Variants in CCSER1 observed in about 807,000 individuals in gnomAD.
The protein encoded by CCSER1 is serine-rich coiled-coil domain-containing protein 1.
CCSER1 carries 41 observed loss-of-function variants against 82.0 expected under a neutral mutation model. The ratio of observed to expected loss-of-function variants is 0.50; its 90% CI spans 0.39 to 0.65. The LOEUF (loss-of-function observed/expected upper bound fraction) is 0.65, where lower values mean the gene tolerates loss of function less well. Among genes scored for constraint, CCSER1 ranks in the 30% least tolerant of loss-of-function variants. The pLI is 0.00. For missense variants in CCSER1, 1,119 were observed against 1,064.2 expected (o/e 1.05, Z -0.72); for synonymous variants, 414 against 383.9 (o/e 1.08, Z -0.92).
chr4:91,510,694 C>G (rs1759770612), intron 10 of CCSER1, among the ~76,000 whole-genome samples: 2 of 152,010 alleles, frequency 1.3e-5, no homozygotes, highest in Admixed American at 1.3e-4. Context: ...TTATTGATTT[C>G]TTTAAGTTCC....
At chr4:90,567,216 G>A (rs927855585) in intron 5 of CCSER1, among the ~76,000 whole-genome samples, 2 of 150,988 alleles carry the variant, frequency 1.3e-5, no homozygotes, top group African/African-American at 4.9e-5. Context: ...TTTGATGTCG[G>A]TGTTTCTTCT....
At chr4:90,893,774 TGCG>T (rs1723285682) in intron 8 of CCSER1, among the ~76,000 whole-genome samples, 1 of 128,852 alleles carries the variant, frequency 7.8e-6, no homozygotes, top group African/African-American at 2.9e-5. Context: ...TGTGTGTGTG[TGCG>T]TGTGTGTGTG....
At chr4:91,077,137 T>C (rs1183312184) in intron 9 of CCSER1, among the ~76,000 whole-genome samples, 1 of 152,220 alleles carries the variant, frequency 6.6e-6, no homozygotes, top group Non-Finnish European at 1.5e-5. Context: ...GGTAATCTTT[T>C]GATTTCCCAT....
chr4:91,357,308 T>C (rs1017999616), intron 10 of CCSER1, among the ~76,000 whole-genome samples: 1 of 152,184 alleles, frequency 6.6e-6, no homozygotes, highest in Admixed American at 6.5e-5. Context: ...TGTAGACATA[T>C]TTATCCAATT....
Position 90,618,492 on chromosome 4 carries a change from TA to T in CCSER1, c.1725-9528del, listed in dbSNP as rs554765261. Among the ~76,000 whole-genome samples the T allele has an allele frequency of 4.7e-3, 712 of 152,046 alleles. 6 individuals are homozygous for T. The highest frequency in any genetic ancestry group is 0.016 in the African/African-American group (669 of 41,554). The stretch of plus-strand genomic sequence containing the variant: ...ATTTTGTGCATTCTTCAAATGGCTA[TA>T]AAAATTTTGCATACTAGCTCTTAAA... On this transcript the variant is annotated intron_variant, in intron 5 of 10. Transcript: ENST00000509176.
chr4:90,460,519 T>C (rs1762762746), intron 4 of CCSER1, among the ~76,000 whole-genome samples: 1 of 152,020 alleles, frequency 6.6e-6, no homozygotes, highest in African/African-American at 2.4e-5. Flanking sequence ...TTTAATATTT[T>C]CATTTTCACT....
At chr4:91,504,991 A>C (rs759629487) in intron 10 of CCSER1, among the ~76,000 whole-genome samples, 23 of 152,164 alleles carry the variant, frequency 1.5e-4, no homozygotes, top group Non-Finnish European at 3.2e-4. Flanking sequence ...CAGGTTTGCT[A>C]TATGGGTAAA....
At chr4:90,390,299 T>A (rs1750772946) in intron 3 of CCSER1, among the ~76,000 whole-genome samples, 1 of 152,206 alleles carries the variant, frequency 6.6e-6, no homozygotes, top group Non-Finnish European at 1.5e-5. Flanking sequence ...TAATTTCAAC[T>A]TTTATTGAAT....
At chr4:91,486,441 T>C (rs189567134) in intron 10 of CCSER1, among the ~76,000 whole-genome samples, 12 of 152,114 alleles carry the variant, frequency 7.9e-5, no homozygotes, top group Non-Finnish European at 1.3e-4. Context: ...AAGGAACTAT[T>C]TCAGATACTA....
chr4:91,136,503 C>CA (rs1004204990), intron 10 of CCSER1, among the ~76,000 whole-genome samples: 1 of 152,158 alleles, frequency 6.6e-6, no homozygotes, highest in African/African-American at 2.4e-5. Context: ...TCCTGACCTA[C>CA]AATGGATACC....
chr4:91,349,200 C>A (rs961334455), intron 10 of CCSER1, among the ~76,000 whole-genome samples: 3 of 149,680 alleles, frequency 2.0e-5, no homozygotes, highest in African/African-American at 7.7e-5. Flanking sequence ...AGACACGGCG[C>A]CCGGCCAATT....
At chr4:91,216,202 C>T (rs745377467) in intron 10 of CCSER1, among the ~76,000 whole-genome samples, 2 of 152,212 alleles carry the variant, frequency 1.3e-5, no homozygotes, top group South Asian at 2.1e-4. Context: ...ATACCTGCCT[C>T]CTCCAGGCCT....
At chr4:91,438,381 G>A (rs1169915091) in intron 10 of CCSER1, among the ~76,000 whole-genome samples, 2 of 152,228 alleles carry the variant, frequency 1.3e-5, no homozygotes, top group South Asian at 4.1e-4. Flanking sequence ...AGGGTCTGGA[G>A]TGGACCTCTA....
intron 6 of CCSER1, among the ~76,000 whole-genome samples, chr4:90,667,575 G>A (rs893641073): frequency 7.2e-5 from 11 of 152,102 alleles, no homozygotes; most frequent in African/African-American, 2.6e-4. Flanking sequence ...TCCCACTTAC[G>A]AGTGAGAGCA....
intron 10 of CCSER1, among the ~76,000 whole-genome samples, chr4:91,306,095 G>GTA (rs1292255554): frequency 3.3e-5 from 5 of 150,500 alleles, no homozygotes; most frequent in African/African-American, 4.9e-5. Flanking sequence ...GTGTGTGTGT[G>GTA]TATACGAAAA....
intron 10 of CCSER1, among the ~76,000 whole-genome samples, chr4:91,219,205 A>AAAGTGT (rs1737534745): frequency 6.6e-6 from 1 of 151,968 alleles, no homozygotes; most frequent in Non-Finnish European, 1.5e-5. Context: ...TTTCAAATAT[A>AAAGTGT]ATTGTTATAA....
At chr4:90,879,551 AAG>A (rs2150065794) in intron 8 of CCSER1, among the ~76,000 whole-genome samples, 1 of 4,596 alleles carries the variant, frequency 2.2e-4, no homozygotes, top group Non-Finnish European at 5.6e-4. Flanking sequence ...AAAGAAGAAG[AAG>A]AGGAAGAAGA....
chr4:90,871,516 T>C (rs920302284), intron 8 of CCSER1, among the ~76,000 whole-genome samples: 4 of 151,890 alleles, frequency 2.6e-5, no homozygotes, highest in Non-Finnish European at 5.9e-5. Context: ...TATTCCATTG[T>C]AGTTAGAAAG....
chr4:91,561,544 C>T (rs1221792843), intron 10 of CCSER1, among the ~76,000 whole-genome samples: 1 of 151,402 alleles, frequency 6.6e-6, no homozygotes, highest in Non-Finnish European at 1.5e-5. Context: ...ATTTTATTTA[C>T]AGCCTTTAGC....
Sources: gnomAD v4.1 joint callset for allele counts (sites outside exome capture counted in the v4.1 genomes callset) on GRCh38, gnomAD v4.1.1 for gene constraint, MANE v1.5 for transcripts, NCBI Gene and HGNC (gene_info 2026-07-23, HGNC 2026-07-21) for gene names.